The following CDH17 variants were observed in gnomAD, a reference collection of about 807,000 sequenced individuals.
The protein encoded by CDH17 is cadherin-17.
In CDH17, 67 loss-of-function variants were observed where a neutral mutation model predicts 86.3. That is an observed-to-expected ratio of 0.78 (90% confidence interval 0.64 to 0.95). CDH17 has a LOEUF of 0.95. CDH17 is among the 40% of genes least tolerant of loss of function. The probability of loss-of-function intolerance (pLI) is 0.00; values close to 1 mark genes in which losing one functional copy is unlikely to be tolerated. For missense variants in CDH17, 993 were observed against 1,017.6 expected, an observed-to-expected ratio of 0.98 and a Z score of 0.33; for synonymous variants, 367 against 366.4, an observed-to-expected ratio of 1.00 and a Z score of -0.02.
chr8:94,182,029 T>C (rs1282257495), intron 3 of CDH17, among the ~76,000 whole-genome samples: 1 of 152,072 alleles, frequency 6.6e-6, no homozygotes, highest in African/African-American at 2.4e-5. Flanking sequence ...TTAGACAACC[T>C]AGATCAAATG....
In CDH17 at chr8:94,130,709, C is replaced by A. The variant is rs1812395683; in HGVS notation, c.2315G>T (p.Cys772Phe). 1 of 1,614,026 alleles carries A rather than the reference C, an allele frequency of 6.2e-7. No homozygotes were observed. Among genetic ancestry groups the A allele is most frequent in the Non-Finnish European group, 8.5e-7 (1 of 1,179,934 alleles). Residue 772 changes from cysteine to phenylalanine, a missense_variant, in exon 17 of 18, where the codon TGT becomes TTT. Cys to Phe is a radical substitution (Grantham distance 205, BLOSUM62 -2). Transcript: ENST00000027335. The stretch of plus-strand genomic sequence containing the variant: ...AGTCTGGTGACCTGCTGGCCGGAAA[C>A]AACTTCCTTCCACACAACTGCAGAA... The part of the protein sequence containing the change: ...VTFCSCVEGS[C>F]FRPAGHQTGI...
At chr8:94,189,079 G>T in intron 3 of CDH17, 108 bp downstream of exon 3, 1 of 774,160 alleles carries the variant, frequency 1.3e-6, no homozygotes, top group Admixed American at 2.7e-5. Flanking sequence ...TTGATAATGA[G>T]AATGCCATGC....
At chr8:94,128,635 A>C (rs1812349874) in intron 17 of CDH17, among the ~76,000 whole-genome samples, 1 of 152,152 alleles carries the variant, frequency 6.6e-6, no homozygotes, top group South Asian at 2.1e-4. Context: ...CACACTATGG[A>C]GTGTATATGT....
At chr8:94,202,991 G>T in intron 1 of CDH17, 1 of 282,430 alleles carries the variant, frequency 3.5e-6, no homozygotes, top group South Asian at 3.5e-5. Context: ...CACTGGCAAA[G>T]CCTTGTTAGC....
At chr8:94,188,715 C>A (rs1813628432) in intron 3 of CDH17, among the ~76,000 whole-genome samples, 1 of 152,222 alleles carries the variant, frequency 6.6e-6, no homozygotes, top group Non-Finnish European at 1.5e-5. Context: ...CCTCCCAGTG[C>A]ACCTTGACAA....
Position 94,148,730 on chromosome 8 carries a change from T to TTTTTTG in CDH17, c.1927+13_1927+14insCAAAAA. On this transcript the variant is annotated intron_variant, in intron 14 of 17. Coordinates refer to ENST00000027335, the MANE Select transcript of CDH17 (RefSeq NM_004063.4). ...GTGTTCCTTTTTTTTTGTTTTTTTT[T>TTTTTTG]TTTTTTTGCTTACCTACTTCTGTGG... 1 of 1,425,366 alleles carries TTTTTTG rather than the reference T, an allele frequency of 7.0e-7. No homozygotes were observed. Among genetic ancestry groups the TTTTTTG allele is most frequent in the Non-Finnish European group, 9.1e-7 (1 of 1,096,174 alleles). The allele number at this position is 1,425,366 out of a possible 1,614,324, so 88.3% of individuals were successfully genotyped here.
chr8:94,207,594 CAT>C (rs1814054441), intron 1 of CDH17, among the ~76,000 whole-genome samples: 1 of 152,180 alleles, frequency 6.6e-6, no homozygotes, highest in Non-Finnish European at 1.5e-5. Context: ...TTCATCTAAA[CAT>C]GTGTTTTTTC....
Position 94,176,779 on chromosome 8 carries a change from C to A in CDH17, c.286-100G>T, listed in dbSNP as rs576516292. The A allele has an allele frequency of 1.1e-4, 129 of 1,206,852 alleles. 1 individual carries two copies. The African/African-American group carries it at 1.6e-3, about 15-fold the overall frequency. 74.8% of individuals were successfully genotyped at this position (1,206,852 alleles called of 1,614,324 possible). On this transcript the variant is annotated intron_variant, in intron 4 of 17. Coordinates refer to ENST00000027335, the MANE Select transcript of CDH17 (RefSeq NM_004063.4). The stretch of plus-strand genomic sequence containing the variant: ...AATTAGAACTCAAAGAACCAATGGC[C>A]TGGTGACTGTAGGAGAGAAAGAACT...
chr8:94,168,172 G>A (rs1226566985), intron 9 of CDH17, among the ~76,000 whole-genome samples: 1 of 127,588 alleles, frequency 7.8e-6, no homozygotes. Flanking sequence ...GTGTGTGTGT[G>A]AGATGGAGTC....
Position 94,160,375 on chromosome 8 carries a change from C to A in CDH17, c.1360-213G>T, listed in dbSNP as rs1043956859. Among the ~76,000 whole-genome samples the A allele has an allele frequency of 5.9e-5, 9 of 152,152 alleles. No individual in the cohort carries two copies. The South Asian group carries it at 1.9e-3, about 32-fold the overall frequency. ...ATCCATTGTACCAAAGAACGCAATA[C>A]CTCAGAGAGCTACTGGTAGGATTCT... On this transcript the variant is annotated intron_variant, in intron 11 of 17. Transcript: ENST00000027335.
intron 7 of CDH17, among the ~76,000 whole-genome samples, chr8:94,171,554 T>C (rs1477248734): frequency 6.6e-6 from 1 of 152,040 alleles, no homozygotes; most frequent in Non-Finnish European, 1.5e-5. Context: ...CTGGCAAAAA[T>C]AAAAAATAAA....
intron 15 of CDH17, among the ~76,000 whole-genome samples, chr8:94,143,962 C>A (rs1812686865): frequency 6.6e-6 from 1 of 152,176 alleles, no homozygotes; most frequent in African/African-American, 2.4e-5. Context: ...CCCTCAATAA[C>A]TTTTGCCTTC....
chr8:94,181,340 A>G (rs775746496), intron 3 of CDH17, among the ~76,000 whole-genome samples: 2 of 152,066 alleles, frequency 1.3e-5, no homozygotes, highest in Non-Finnish European at 2.9e-5. Flanking sequence ...GCTAACAAAC[A>G]CCCAACACTC....
chr8:94,201,722 T>G (rs1264944877), intron 1 of CDH17, among the ~76,000 whole-genome samples: 2 of 152,218 alleles, frequency 1.3e-5, no homozygotes, highest in Non-Finnish European at 2.9e-5. Flanking sequence ...GTTTAGCCTG[T>G]GCTGCTGTCC....
At position 94,147,071 on chromosome 8, in the gene CDH17, C is replaced by T. The variant is rs1563568784; in HGVS notation, c.1928-904G>A. Among the ~76,000 whole-genome samples, 4 of 152,254 alleles carry T rather than the reference C, an allele frequency of 2.6e-5. No homozygotes were observed. In the South Asian group the frequency reaches 8.3e-4, roughly 32 times the overall value. ...TCAGTGCCAGAAACTAAAAACAGAA[C>T]AGGGTTTTGGACCCTGGTTTTGATT... On this transcript the variant is annotated intron_variant, in intron 14 of 17. Transcript: ENST00000027335.
chr8:94,138,030 G>A lies in CDH17; in HGVS notation c.2168-7038C>T, dbSNP rs569933154. Among the ~76,000 whole-genome samples, 21 of 151,864 alleles carry A rather than the reference G, an allele frequency of 1.4e-4. No individual in the cohort carries two copies. The South Asian group carries it at 4.0e-3, about 29-fold the overall frequency. On this transcript the variant is annotated intron_variant, in intron 15 of 17. Coordinates refer to ENST00000027335, the MANE Select transcript of CDH17 (RefSeq NM_004063.4). ...AAATCCCTCTGAGTCCAGAAATAAG[G>A]GTATGCATGATATTATACCTGGTTT... is the stretch of plus-strand genomic sequence containing the variant.
chr8:94,128,216 A>G lies in CDH17; in HGVS notation c.*24T>C, dbSNP rs1415826955. The G allele has an allele frequency of 1.3e-6, 2 of 1,483,398 alleles. No homozygotes were observed. The highest frequency in any genetic ancestry group is 1.9e-6 in the Non-Finnish European group (2 of 1,062,876). 91.9% of individuals were successfully genotyped at this position (1,483,398 alleles called of 1,614,324 possible). On this transcript the variant is annotated 3_prime_UTR_variant, in exon 18 of 18. Coordinates refer to ENST00000027335, the MANE Select transcript of CDH17 (RefSeq NM_004063.4). ...GTTGCTGAAATAGCACTTGCTATAT[A>G]AATTCAAACATTCCTTTTCAAATTC...
chr8:94,135,575 A>G (rs1812507865), intron 15 of CDH17, among the ~76,000 whole-genome samples: 1 of 152,152 alleles, frequency 6.6e-6, no homozygotes, highest in African/African-American at 2.4e-5. Context: ...GGGTCTCCCA[A>G]CAGCACACTG....
At chr8:94,161,630 G>A (rs1375047282) in intron 11 of CDH17, among the ~76,000 whole-genome samples, 1 of 152,082 alleles carries the variant, frequency 6.6e-6, no homozygotes, top group Non-Finnish European at 1.5e-5. Flanking sequence ...TTAAGTCAGA[G>A]ATTAATTTTT....
Sources: gnomAD v4.1 joint callset for allele counts (sites outside exome capture counted in the v4.1 genomes callset) on GRCh38, gnomAD v4.1.1 for gene constraint, MANE v1.5 for transcripts, NCBI Gene and HGNC (gene_info 2026-07-23, HGNC 2026-07-21) for gene names.